Variants in PCDHGB3 observed in about 807,000 individuals in gnomAD.
PCDHGB3 encodes the protein protocadherin gamma-B3.
In PCDHGB3, 40 loss-of-function variants were observed where a neutral mutation model predicts 59.2. The observed-to-expected ratio is 0.68, with a 90% CI of 0.52 to 0.88. The LOEUF (loss-of-function observed/expected upper bound fraction) is 0.88. PCDHGB3 is among the 40% of genes least tolerant of loss of function. PCDHGB3 has a pLI of 0.00. For synonymous variants in PCDHGB3, 581 were observed against 503.6 expected, an observed-to-expected ratio of 1.15 and a Z score of -2.06; for missense variants, 1,309 against 1,187.9, an observed-to-expected ratio of 1.10 and a Z score of -1.50.
chr5:141,432,073 C>T lies in PCDHGB3; in HGVS notation c.2415+59264C>T, dbSNP rs1276949951. On this transcript the variant is annotated intron_variant, in intron 1 of 3. Transcript: ENST00000576222. This position sits in a 1 kb window ranked among gnomAD's most constrained non-coding sequence, Gnocchi z 6.0. ...CGCCCCTATCCACGGAAACTCATAT[C>T]TCGCTGAACGTGGCAGACACCAACG... is the stretch of plus-strand genomic sequence containing the variant. 3.1e-6 allele frequency: 5 copies of T among 1,614,208 alleles called. No homozygotes were observed. Among genetic ancestry groups the T allele is most frequent in the Non-Finnish European group, 4.2e-6 (5 of 1,180,040 alleles).
At chr5:141,403,831 G>T (rs1207086715) in intron 1 of PCDHGB3, 1 of 1,613,760 alleles carries the variant, frequency 6.2e-7, no homozygotes. Context: ...TGCTATTCCA[G>T]CTTAATGAAA....
intron 2 of PCDHGB3, among the ~76,000 whole-genome samples, chr5:141,499,083 C>G (rs2099789346): frequency 6.6e-6 from 1 of 152,082 alleles, no homozygotes; most frequent in African/African-American, 2.4e-5. Flanking sequence ...GAAGTTCCTG[C>G]TTGGCACATG....
intron 1 of PCDHGB3, among the ~76,000 whole-genome samples, chr5:141,402,587 T>C (rs2094282900): frequency 1.3e-5 from 2 of 152,228 alleles, no homozygotes; most frequent in Non-Finnish European, 2.9e-5. Flanking sequence ...ATCTAAAAAA[T>C]AGATTGCTTT....
intron 1 of PCDHGB3, among the ~76,000 whole-genome samples, chr5:141,382,372 T>C (rs1402923188): frequency 6.6e-6 from 1 of 152,242 alleles, no homozygotes; most frequent in Non-Finnish European, 1.5e-5. Context: ...TTTACCTTTT[T>C]GCCTTCAATA....
In PCDHGB3 at chr5:141,491,807, G is replaced by A; in HGVS notation, c.2416-3000G>A. On this transcript the variant is annotated intron_variant, in intron 1 of 3. Transcript: ENST00000576222. The surrounding 1 kb of genome is among the most constrained non-coding windows in gnomAD (Gnocchi z 6.9). ...CATCCACTCCTCTCCGGCCGGCTTG[G>A]TCGCTGGCTGCGCTCCACCCGATTC... is the stretch of plus-strand genomic sequence containing the variant. 1 of 1,491,112 alleles carries A rather than the reference G, an allele frequency of 6.7e-7. No homozygotes were observed. The highest frequency in any genetic ancestry group is 1.4e-5 in the South Asian group (1 of 73,752). The allele number at this position is 1,491,112 out of a possible 1,614,324, so 92.4% of individuals were successfully genotyped here. A position where few individuals can be genotyped will look rare whatever the true frequency, so the allele number is the denominator to read the frequency against.
intron 1 of PCDHGB3, chr5:141,388,664 G>A: frequency 1.2e-6 from 2 of 1,613,908 alleles, no homozygotes; most frequent in South Asian, 2.2e-5. Context: ...CGGGGACCAC[G>A]GTGCTACAGG....
At chr5:141,428,022 G>A (rs1439933482) in intron 1 of PCDHGB3, 11 of 1,605,558 alleles carry the variant, frequency 6.9e-6, no homozygotes, top group South Asian at 1.1e-5. Context: ...GCCACGCGCC[G>A]CAGAGTCCGG....
intron 1 of PCDHGB3, chr5:141,404,241 C>A (rs960579159): frequency 6.2e-7 from 1 of 1,613,458 alleles, no homozygotes; most frequent in African/African-American, 1.3e-5. Context: ...AGAGGAACTC[C>A]GCCCCTGTCC....
rs61612330 is a variant in PCDHGB3, at chr5:141,454,796, A to ATTTTTTTTTTTTTTTTTT, written c.2416-39999_2416-39982dup. Reference sequence around the variant, plus strand: ...AAGGAAATAATCCTCCATGGTTCTAATTTTTTTTTTTTTTTTTTTTTTTTT... The same window carrying ATTTTTTTTTTTTTTTTTT: ...AAGGAAATAATCCTCCATGGTTCTAATTTTTTTTTTTTTTTTTTTTTTTTTTTTTTTTTTTTTTTTTTT... On this transcript the variant is annotated intron_variant, in intron 1 of 3. Coordinates refer to ENST00000576222, the MANE Select transcript of PCDHGB3 (RefSeq NM_018924.5). 9.0e-4 allele frequency among the ~76,000 whole-genome samples: 70 copies of ATTTTTTTTTTTTTTTTTT among 77,458 alleles called. 9 individuals carry two copies. Among genetic ancestry groups the ATTTTTTTTTTTTTTTTTT allele is most frequent in the Non-Finnish European group, 1.1e-3 (48 of 42,814 alleles). The allele number at this position is 77,458 out of a possible 152,430, so 50.8% of individuals were successfully genotyped here. A position where few individuals can be genotyped will look rare whatever the true frequency, so the allele number is the denominator to read the frequency against.
intron 1 of PCDHGB3, chr5:141,420,276 T>C: frequency 6.6e-7 from 1 of 1,523,250 alleles, no homozygotes; most frequent in Non-Finnish European, 8.9e-7. Context: ...CTTAAACAGG[T>C]AAGTATTTAA....
At chr5:141,401,935 T>C (rs1026278615) in intron 1 of PCDHGB3, among the ~76,000 whole-genome samples, 4 of 152,240 alleles carry the variant, frequency 2.6e-5, no homozygotes, top group African/African-American at 9.6e-5. Flanking sequence ...CTTAGAATAA[T>C]GTTTAAGACC....
At chr5:141,483,988 G>A (rs78891657) in intron 1 of PCDHGB3, among the ~76,000 whole-genome samples, 1,520 of 149,036 alleles carry the variant, frequency 0.01, 30 homozygotes, top group African/African-American at 0.037. Flanking sequence ...TAGCTAGGTT[G>A]CTGGGAGGTC....
rs2099417434 is a variant in PCDHGB3, at chr5:141,477,762, C to T, written c.2416-17045C>T. 1 of 1,613,968 alleles carries T rather than the reference C, an allele frequency of 6.2e-7. No homozygotes were observed. The highest frequency in any genetic ancestry group is 8.5e-7 in the Non-Finnish European group (1 of 1,180,032). On this transcript the variant is annotated intron_variant, in intron 1 of 3. Transcript: ENST00000576222. This position sits in a 1 kb window ranked among gnomAD's most constrained non-coding sequence, Gnocchi z 4.9. ...GATGGGGGCACCCCGGTCCTAGCCA[C>T]CAACATCAGCGTGAACATATTTGTC...
chr5:141,372,604 C>A lies in PCDHGB3; in HGVS notation c.2210C>A (p.Pro737His). 6.2e-7 allele frequency: 1 copy of A among 1,613,988 alleles called. No individual in the cohort carries two copies. The highest frequency in any genetic ancestry group is 8.5e-7 in the Non-Finnish European group (1 of 1,179,864). The change falls in exon 1 of 4, where the codon CCT (proline) becomes CAT (histidine). Residue 737 changes from proline to histidine, a missense_variant. Physicochemically the swap from Pro to His is moderately conservative, Grantham distance 77. Transcript: ENST00000576222. The stretch of plus-strand genomic sequence containing the variant: ...CCTGGTGTCTGCTTCAAGACTGTAC[C>A]TGGAGTTCTCCCCACCTACAGCGAA... ...FQPGVCFKTV[P>H]GVLPTYSERT... is the part of the protein sequence containing the mutation.
chr5:141,374,993 TC>T, intron 1 of PCDHGB3: 1 of 1,614,056 alleles, frequency 6.2e-7, no homozygotes, highest in Non-Finnish European at 8.5e-7. Context: ...AATTTCAACT[TC>T]TGCAAATCTA....
At chr5:141,422,769 T>C (rs1274700138) in intron 1 of PCDHGB3, 1 of 1,613,852 alleles carries the variant, frequency 6.2e-7, no homozygotes, top group Admixed American at 1.7e-5. Context: ...ACACTGGTGT[T>C]CTCTATGCCC....
At position 141,490,475 on chromosome 5, in the gene PCDHGB3, T is replaced by C. The variant is rs769951029; in HGVS notation, c.2416-4332T>C. On this transcript the variant is annotated intron_variant, in intron 1 of 3. Coordinates refer to ENST00000576222, the MANE Select transcript of PCDHGB3 (RefSeq NM_018924.5). This position sits in a 1 kb window ranked among gnomAD's most constrained non-coding sequence, Gnocchi z 5.4. ...TACTCGCTGCTAACCAGCCAGCCTTTGGACCGGGAGGCCACATCCCACTAT... is the reference window on the plus strand; with the variant it reads ...TACTCGCTGCTAACCAGCCAGCCTTCGGACCGGGAGGCCACATCCCACTAT... The C allele has an allele frequency of 3.7e-6, 6 of 1,614,240 alleles. No individual in the cohort carries two copies. The highest frequency in any genetic ancestry group is 5.1e-6 in the Non-Finnish European group (6 of 1,180,038).
At chr5:141,452,524 C>T (rs542476667) in intron 1 of PCDHGB3, among the ~76,000 whole-genome samples, 83 of 152,294 alleles carry the variant, frequency 5.4e-4, no homozygotes, top group African/African-American at 1.9e-3. Flanking sequence ...CCCTCAAAAT[C>T]GTGAGTTCAT....
chr5:141,392,511 A>T (rs1368500575), intron 1 of PCDHGB3: 1 of 240,352 alleles, frequency 4.2e-6, no homozygotes, highest in Non-Finnish European at 7.9e-6. Flanking sequence ...TTTTTTTCTC[A>T]GTAATCTAGT....
Sources: allele counts gnomAD v4.1 joint callset (sites outside exome capture counted in the v4.1 genomes callset), GRCh38; gene constraint gnomAD v4.1.1; non-coding constraint Gnocchi (gnomAD v3.1); transcripts MANE v1.5; gene names NCBI Gene and HGNC (gene_info 2026-07-23, HGNC 2026-07-21).